Variants in ZNF516 observed in about 807,000 individuals in gnomAD.
The protein encoded by ZNF516 is zinc finger protein 516.
ZNF516 carries 19 observed loss-of-function variants against 79.7 expected under a neutral mutation model. The ratio of observed to expected loss-of-function variants is 0.24; its 90% CI spans 0.17 to 0.35. The LOEUF (loss-of-function observed/expected upper bound fraction) is 0.35. ZNF516 is among the 10% of genes least tolerant of loss of function. The pLI, the probability that ZNF516 is intolerant of heterozygous loss-of-function variation, is 1.00. For synonymous variants in ZNF516, 877 were observed against 739.5 expected (o/e 1.19, Z -3.02); for missense variants, 1,678 against 1,679.5 (o/e 1.00, Z 0.02).
Position 76,442,828 on chromosome 18 carries a change from T to C in ZNF516, c.227A>G (p.Asn76Ser), listed in dbSNP as rs910183487. 6.2e-7 allele frequency: 1 copy of C among 1,612,892 alleles called. No individual in the cohort carries two copies. Among genetic ancestry groups the C allele is most frequent in the Non-Finnish European group, 8.5e-7 (1 of 1,179,414 alleles). ...GTGGCTCCGGATGTGAATCTTCAGG[T>C]TGCCCTTCTGGGAAGCCCGGTGGTC... The part of the protein sequence containing the change: ...YCDHRASQKG[N>S]LKIHIRSHRT... Residue 76 changes from asparagine (N) to serine (S), a missense_variant, in exon 3 of 7, where the codon AAC (asparagine) becomes AGC (serine). Coordinates refer to ENST00000443185, the MANE Select transcript of ZNF516 (RefSeq NM_014643.4).
intron 3 of ZNF516, among the ~76,000 whole-genome samples, chr18:76,410,784 A>G (rs1292739907): frequency 6.6e-6 from 1 of 152,202 alleles, no homozygotes; most frequent in African/African-American, 2.4e-5. Flanking sequence ...AGTGTTCACC[A>G]TGCAGCCACA....
At chr18:76,412,374 G>A (rs1013058867) in intron 3 of ZNF516, among the ~76,000 whole-genome samples, 2 of 152,176 alleles carry the variant, frequency 1.3e-5, no homozygotes, top group African/African-American at 4.8e-5. Context: ...CTCTGGGTGG[G>A]CCACTCCAGC....
At chr18:76,421,553 C>T (rs965424671) in intron 3 of ZNF516, among the ~76,000 whole-genome samples, 4 of 152,208 alleles carry the variant, frequency 2.6e-5, no homozygotes, top group East Asian at 3.9e-4. Flanking sequence ...CTCCACAGAA[C>T]CTGCTAGACA....
chr18:76,490,255 G>A, intron 1 of ZNF516: 1 of 959,770 alleles, frequency 1.0e-6, no homozygotes. Flanking sequence ...ACCACGGCAG[G>A]CTCCTACGCA....
chr18:76,421,702 T>C (rs1379142845), intron 3 of ZNF516, among the ~76,000 whole-genome samples: 8 of 152,362 alleles, frequency 5.3e-5, no homozygotes, highest in South Asian at 2.1e-4. Flanking sequence ...TGTTTCACTA[T>C]TACAGAGGGC....
intron 1 of ZNF516, chr18:76,492,894 A>T (rs1211098201): frequency 2.0e-6 from 2 of 985,482 alleles, no homozygotes; most frequent in African/African-American, 3.5e-5. Context: ...TCTACATCAC[A>T]CATCTGTGTA....
chr18:76,424,711 A>C (rs1428278634), intron 3 of ZNF516, among the ~76,000 whole-genome samples: 1 of 138,838 alleles, frequency 7.2e-6, no homozygotes, highest in Non-Finnish European at 1.5e-5. Context: ...CACGCAGGTG[A>C]AAAGGCTCCC....
Position 76,493,311 on chromosome 18 carries a change from G to A in ZNF516, c.-272+1833C>T. The A allele has an allele frequency of 5.2e-6, 1 of 190,506 alleles. No homozygotes were observed. The highest frequency in any genetic ancestry group is 8.7e-6 in the Non-Finnish European group (1 of 114,862). The allele number at this position is 190,506 out of a possible 1,614,324, so 11.8% of individuals were successfully genotyped here. A position where few individuals can be genotyped will look rare whatever the true frequency, so the allele number is the denominator to read the frequency against. On this transcript the variant is annotated intron_variant, in intron 1 of 6. Transcript: ENST00000443185. The surrounding 1 kb of genome is among the most constrained non-coding windows in gnomAD (Gnocchi z 5.2). ...GAAAGGGAGCTCCGAGAAAGAAGGAGGGGTCATTCCGCGGGGGGCGGGGGG... is the reference window on the plus strand; with the variant it reads ...GAAAGGGAGCTCCGAGAAAGAAGGAAGGGTCATTCCGCGGGGGGCGGGGGG...
chr18:76,484,560 GGA>G (rs1322659590), intron 1 of ZNF516, among the ~76,000 whole-genome samples: 1 of 152,122 alleles, frequency 6.6e-6, no homozygotes, highest in African/African-American at 2.4e-5. Context: ...GAATCTAAAT[GGA>G]GTTTTCGTGG....
At chr18:76,477,949 A>G (rs55920112) in intron 1 of ZNF516, among the ~76,000 whole-genome samples, 7,830 of 152,182 alleles carry the variant, frequency 0.051, 281 homozygotes, top group Non-Finnish European at 0.075. Flanking sequence ...TTTAATTATT[A>G]TATGTAAATG....
intron 3 of ZNF516, among the ~76,000 whole-genome samples, chr18:76,400,415 T>C (rs1019673990): frequency 5.3e-5 from 8 of 152,216 alleles, no homozygotes; most frequent in African/African-American, 2.4e-5. Context: ...CTTGGTAGGA[T>C]TTGCTACCTA....
At chr18:76,456,069 T>C (rs536792636) in intron 2 of ZNF516, among the ~76,000 whole-genome samples, 1 of 152,178 alleles carries the variant, frequency 6.6e-6, no homozygotes. Context: ...AATAATGAGA[T>C]GCCACCAAAC....
intron 2 of ZNF516, among the ~76,000 whole-genome samples, chr18:76,450,894 G>C (rs1374321833): frequency 6.6e-6 from 1 of 152,180 alleles, no homozygotes; most frequent in African/African-American, 2.4e-5. Context: ...CTGAATGGTT[G>C]TGTACTGATT....
intron 3 of ZNF516, among the ~76,000 whole-genome samples, chr18:76,395,745 C>T (rs773941354): frequency 5.9e-5 from 9 of 151,750 alleles, no homozygotes; most frequent in Non-Finnish European, 1.2e-4. Flanking sequence ...CAGCACGTGC[C>T]GAGGAAATGA....
chr18:76,454,208 AT>A (rs965267180), intron 2 of ZNF516, among the ~76,000 whole-genome samples: 1 of 152,246 alleles, frequency 6.6e-6, no homozygotes, highest in Admixed American at 6.5e-5. Flanking sequence ...AAATCCCTTC[AT>A]TAAGAGCTCA....
intron 3 of ZNF516, among the ~76,000 whole-genome samples, chr18:76,415,244 A>G (rs1389699722): frequency 6.6e-6 from 1 of 152,164 alleles, no homozygotes; most frequent in Non-Finnish European, 1.5e-5. Context: ...GAAAAAGAAA[A>G]TAGTAGTTTA....
intron 3 of ZNF516, among the ~76,000 whole-genome samples, chr18:76,392,137 C>A (rs189145757): frequency 8.5e-5 from 13 of 152,340 alleles, no homozygotes; most frequent in African/African-American, 2.9e-4. Flanking sequence ...AAACACAGTA[C>A]GGCCAAGGGA....
At chr18:76,408,941 C>G (rs1224896815) in intron 3 of ZNF516, among the ~76,000 whole-genome samples, 1 of 152,138 alleles carries the variant, frequency 6.6e-6, no homozygotes, top group Non-Finnish European at 1.5e-5. Context: ...GGTTCCGCCC[C>G]CACTCAGAAG....
intron 3 of ZNF516, chr18:76,388,880 T>C (rs1186398797): frequency 1.3e-5 from 2 of 151,248 alleles, no homozygotes; most frequent in Non-Finnish European, 2.9e-5. Context: ...TGGCCAAGGG[T>C]CCTCTCTTCA....
Sources: allele counts gnomAD v4.1 joint callset (sites outside exome capture counted in the v4.1 genomes callset), GRCh38; gene constraint gnomAD v4.1.1; non-coding constraint Gnocchi (gnomAD v3.1); transcripts MANE v1.5; gene names NCBI Gene and HGNC (gene_info 2026-07-23, HGNC 2026-07-21).